GRIK4: variants seen among roughly 807,000 people sequenced by gnomAD.
GRIK4 encodes glutamate ionotropic receptor kainate type subunit 4.
In GRIK4, 40 loss-of-function variants were observed where a neutral mutation model predicts 104.9. The ratio of observed to expected loss-of-function variants is 0.38; its 90% CI spans 0.30 to 0.50. GRIK4 has a LOEUF of 0.50. Ranked by LOEUF, GRIK4 falls within the 20% of genes least tolerant of loss-of-function variation. GRIK4 has a pLI of 0.93. For missense variants in GRIK4, 1,047 were observed against 1,308.1 expected, an observed-to-expected ratio of 0.80 and a Z score of 3.08; for synonymous variants, 485 against 524.9, an observed-to-expected ratio of 0.92 and a Z score of 1.04.
chr11:120,823,465 G>A (rs746207231), intron 6 of GRIK4, among the ~76,000 whole-genome samples: 1 of 152,108 alleles, frequency 6.6e-6, no homozygotes, highest in Non-Finnish European at 1.5e-5. Flanking sequence ...CCTCCTCCCC[G>A]GTCATTCCAG....
intron 1 of GRIK4, among the ~76,000 whole-genome samples, chr11:120,618,291 C>T (rs775683894): frequency 3.3e-5 from 5 of 152,140 alleles, no homozygotes; most frequent in Non-Finnish European, 7.3e-5. Flanking sequence ...AGTAGCAAAG[C>T]ATTAAAGATG....
intron 1 of GRIK4, among the ~76,000 whole-genome samples, chr11:120,595,159 C>T (rs922789913): frequency 5.9e-5 from 9 of 152,220 alleles, no homozygotes; most frequent in East Asian, 1.9e-4. Context: ...TCCTCCCGCT[C>T]GCTGTGTTCC....
intron 11 of GRIK4, among the ~76,000 whole-genome samples, chr11:120,883,109 G>A (rs1364674871): frequency 6.6e-6 from 1 of 152,172 alleles, no homozygotes; most frequent in African/African-American, 2.4e-5. Flanking sequence ...GCTGAGAGTG[G>A]TGCTCAGTGC....
At chr11:120,677,367 G>C (rs10790394) in intron 3 of GRIK4, among the ~76,000 whole-genome samples, 23,658 of 152,120 alleles carry the variant, frequency 0.16, 1,989 homozygotes, top group South Asian at 0.23. Flanking sequence ...AGCAGACTCT[G>C]TCTTATTCTG....
intron 8 of GRIK4, among the ~76,000 whole-genome samples, chr11:120,853,468 G>T (rs1219140994): frequency 2.0e-5 from 3 of 152,152 alleles, no homozygotes; most frequent in Middle Eastern, 3.2e-3. Context: ...TAGAGATGAT[G>T]GGGTGGAGGG....
intron 1 of GRIK4, among the ~76,000 whole-genome samples, chr11:120,588,848 A>G (rs771164293): frequency 6.6e-6 from 1 of 152,124 alleles, no homozygotes; most frequent in Non-Finnish European, 1.5e-5. Context: ...GACTCACTGC[A>G]TGTCTCCTGG....
chr11:120,957,073 G>A (rs368528801), intron 16 of GRIK4, 120 bp downstream of exon 16: 12 of 846,202 alleles, frequency 1.4e-5, no homozygotes, highest in East Asian at 8.3e-5. Flanking sequence ...GCAGACCCAC[G>A]CAGGAAGCCG....
At chr11:120,830,889 C>T (rs1233365430) in intron 6 of GRIK4, among the ~76,000 whole-genome samples, 1 of 150,548 alleles carries the variant, frequency 6.6e-6, no homozygotes, top group Non-Finnish European at 1.5e-5. Context: ...ATTTCCCTCC[C>T]CCACCCCATA....
chr11:120,955,580 G>A (rs1016503230), intron 15 of GRIK4, among the ~76,000 whole-genome samples: 3 of 152,226 alleles, frequency 2.0e-5, no homozygotes, highest in African/African-American at 4.8e-5. Flanking sequence ...GGGAAGAGCA[G>A]GCATTCTGGG....
At chr11:120,724,189 C>G (rs1461109318) in intron 3 of GRIK4, among the ~76,000 whole-genome samples, 1 of 152,144 alleles carries the variant, frequency 6.6e-6, no homozygotes, top group East Asian at 1.9e-4. Flanking sequence ...TGCTCTATTG[C>G]CCAGGCTGGA....
At chr11:120,883,234 G>C (rs1052415292) in intron 11 of GRIK4, among the ~76,000 whole-genome samples, 1 of 152,200 alleles carries the variant, frequency 6.6e-6, no homozygotes, top group African/African-American at 2.4e-5. Flanking sequence ...GGCCTAAGGA[G>C]CTCATAGCCA....
At chr11:120,784,402 T>C (rs1952222926) in intron 3 of GRIK4, among the ~76,000 whole-genome samples, 2 of 152,182 alleles carry the variant, frequency 1.3e-5, no homozygotes, top group African/African-American at 4.8e-5. Flanking sequence ...ACCCATATTC[T>C]TGCAAAGAAC....
At chr11:120,744,085 C>G (rs1951389445) in intron 3 of GRIK4, among the ~76,000 whole-genome samples, 1 of 152,124 alleles carries the variant, frequency 6.6e-6, no homozygotes, top group Non-Finnish European at 1.5e-5. Flanking sequence ...TCCCGGCACC[C>G]CGGTCTCTCT....
chr11:120,846,674 G>A (rs1953860224), intron 8 of GRIK4, among the ~76,000 whole-genome samples: 1 of 152,168 alleles, frequency 6.6e-6, no homozygotes, highest in Admixed American at 6.5e-5. Flanking sequence ...GCGTCAGTAG[G>A]CCCAGGGTCT....
At position 120,549,867 on chromosome 11, in the gene GRIK4, C is replaced by G. The variant is rs1948122544; in HGVS notation, c.-159+37980C>G. ...TTGTGGCCCTTAGAAAAAGGCTATG[C>G]TGGATGTTGAGATGTGAACCTGCGA... On this transcript the variant is annotated intron_variant, in intron 1 of 20. Transcript: ENST00000527524. The surrounding 1 kb of genome is among the most constrained non-coding windows in gnomAD (Gnocchi z 4.7). Among the ~76,000 whole-genome samples the G allele has an allele frequency of 6.6e-6, 1 of 152,182 alleles. No homozygotes were observed. The highest frequency in any genetic ancestry group is 2.1e-4 in the South Asian group (1 of 4,826).
chr11:120,601,018 G>A (rs1298414836), intron 1 of GRIK4, among the ~76,000 whole-genome samples: 1 of 152,204 alleles, frequency 6.6e-6, no homozygotes, highest in Non-Finnish European at 1.5e-5. Context: ...TCGTGCCACT[G>A]CACTCTAGCC....
intron 4 of GRIK4, among the ~76,000 whole-genome samples, chr11:120,805,322 C>T (rs1451575028): frequency 6.6e-6 from 1 of 152,156 alleles, no homozygotes; most frequent in East Asian, 1.9e-4. Context: ...TTCTTCAGGG[C>T]TTCTCTGGCA....
intron 3 of GRIK4, among the ~76,000 whole-genome samples, chr11:120,745,682 C>T (rs186655725): frequency 6.6e-5 from 10 of 152,284 alleles, no homozygotes; most frequent in African/African-American, 2.4e-4. Flanking sequence ...CGTTTGTCCT[C>T]TAGGTCGAAT....
At chr11:120,720,986 CATT>C (rs2135375049) in intron 3 of GRIK4, among the ~76,000 whole-genome samples, 1 of 149,238 alleles carries the variant, frequency 6.7e-6, no homozygotes, top group South Asian at 2.1e-4. Context: ...CGTATTCATT[CATT>C]CATTCATTCA....
Sources: allele counts gnomAD v4.1 joint callset (sites outside exome capture counted in the v4.1 genomes callset), GRCh38; gene constraint gnomAD v4.1.1; non-coding constraint Gnocchi (gnomAD v3.1); transcripts MANE v1.5; gene names NCBI Gene and HGNC (gene_info 2026-07-23, HGNC 2026-07-21).